The following MAPK10 variants were observed in gnomAD, a reference collection of about 807,000 sequenced individuals.
The protein encoded by MAPK10 is JNK3 alpha protein kinase.
Under a neutral mutation model 59.3 loss-of-function variants are expected in MAPK10, and 25 were observed. The observed-to-expected ratio is 0.42, with a 90% CI of 0.31 to 0.59. The LOEUF (loss-of-function observed/expected upper bound fraction) is 0.59. Ranked by LOEUF, MAPK10 falls within the 20% of genes least tolerant of loss-of-function variation. MAPK10 has a pLI of 0.15. For missense variants in MAPK10, 351 were observed against 568.9 expected (o/e 0.62, Z 3.90); for synonymous variants, 190 against 200.5 (o/e 0.95, Z 0.44).
chr4:86,505,507 T>C (rs756656005), intron 1 of MAPK10, among the ~76,000 whole-genome samples: 2 of 151,992 alleles, frequency 1.3e-5, no homozygotes, highest in African/African-American at 2.4e-5. Flanking sequence ...GAGGTGGTGT[T>C]TGAGCCTAGT....
At chr4:86,051,755 G>GT (rs1179489573) in intron 11 of MAPK10, among the ~76,000 whole-genome samples, 1 of 152,066 alleles carries the variant, frequency 6.6e-6, no homozygotes, top group East Asian at 1.9e-4. Flanking sequence ...AAGATGTTTG[G>GT]TTAATTTTCT....
intron 1 of MAPK10, among the ~76,000 whole-genome samples, chr4:86,452,272 G>A (rs761599840): frequency 3.9e-5 from 6 of 152,184 alleles, no homozygotes; most frequent in African/African-American, 1.2e-4. Context: ...ATATACTAAC[G>A]TGACCCTTGG....
intron 4 of MAPK10, among the ~76,000 whole-genome samples, chr4:86,154,668 T>C (rs1209390937): frequency 3.9e-5 from 6 of 152,060 alleles, no homozygotes; most frequent in African/African-American, 1.4e-4. Flanking sequence ...CTGAGTCCTA[T>C]GAGAAAATCC....
At chr4:86,491,615 A>C (rs537935407) in intron 1 of MAPK10, among the ~76,000 whole-genome samples, 1 of 152,276 alleles carries the variant, frequency 6.6e-6, no homozygotes, top group East Asian at 1.9e-4. Flanking sequence ...AGGTCTCATC[A>C]CCTGGTAAGA....
intron 2 of MAPK10, chr4:86,352,286 A>C (rs977684927): frequency 1.3e-5 from 2 of 152,192 alleles, no homozygotes; most frequent in African/African-American, 4.8e-5. Flanking sequence ...TACTAGCATT[A>C]AGTAAAATAG....
intron 1 of MAPK10, among the ~76,000 whole-genome samples, chr4:86,558,384 T>C (rs968437577): frequency 3.9e-5 from 6 of 152,168 alleles, no homozygotes; most frequent in Non-Finnish European, 5.9e-5. Context: ...TCGAAACTCT[T>C]TATGGGCCTT....
rs937712768 is a variant in MAPK10 at position 86,358,078 on chromosome 4, T to C, written c.-122+1580A>G. The C allele has an allele frequency of 5.1e-6, 5 of 985,212 alleles. No individual in the cohort carries two copies. In the African/African-American group the frequency reaches 8.7e-5, roughly 17 times the overall value. 61.0% of individuals were successfully genotyped at this position (985,212 alleles called of 1,614,324 possible). A position where few individuals can be genotyped will look rare whatever the true frequency, so the allele number is the denominator to read the frequency against. On this transcript the variant is annotated intron_variant, in intron 1 of 13. Coordinates refer to ENST00000641462, the MANE Select transcript of MAPK10 (RefSeq NM_138982.4). ...TGATCAAGGTAGAGAAGGAAATACA[T>C]ACCAGAGGCAGCCAAACCGCTACAT...
At chr4:86,205,721 T>C (rs1642490704) in intron 2 of MAPK10, among the ~76,000 whole-genome samples, 1 of 152,010 alleles carries the variant, frequency 6.6e-6, no homozygotes, top group South Asian at 2.1e-4. Flanking sequence ...ATTCTTGTCA[T>C]ATTCAGTAGA....
intron 13 of MAPK10, among the ~76,000 whole-genome samples, chr4:86,022,180 T>TTAGG (rs1029524499): frequency 6.6e-6 from 1 of 152,202 alleles, no homozygotes; most frequent in African/African-American, 2.4e-5. Flanking sequence ...TCAAAACTGT[T>TTAGG]TTCTAAAGTG....
rs557812183 is a variant in MAPK10, at chr4:86,037,316, C to T, written c.1111-5885G>A. Among the ~76,000 whole-genome samples the T allele has an allele frequency of 2.0e-5, 3 of 152,132 alleles. No individual in the cohort carries two copies. The East Asian group carries it at 5.8e-4, about 29-fold the overall frequency. ...TGGGCAGATCACGAGGTCAGGAGAT[C>T]GAGACCATCCTGGCTAACACAGTGA... is the stretch of plus-strand genomic sequence containing the variant. On this transcript the variant is annotated intron_variant, in intron 11 of 13. Coordinates refer to ENST00000641462, the MANE Select transcript of MAPK10 (RefSeq NM_138982.4).
intron 1 of MAPK10, among the ~76,000 whole-genome samples, chr4:86,502,383 C>A (rs1186725899): frequency 6.6e-6 from 1 of 152,004 alleles, no homozygotes; most frequent in Non-Finnish European, 1.5e-5. Context: ...TCATTTCTTG[C>A]TTGGATTTCT....
chr4:86,119,946 A>T (rs149644473), intron 4 of MAPK10: 51 of 152,386 alleles, frequency 3.3e-4, no homozygotes, highest in African/African-American at 1.2e-3. Context: ...TTGAGATTGT[A>T]TTGCAGCTGA....
upstream of MAPK10, among the ~76,000 whole-genome samples, chr4:86,454,853 G>GA (rs1433561798): frequency 1.3e-5 from 2 of 151,588 alleles, no homozygotes; most frequent in African/African-American, 4.9e-5. Context: ...TCAAGACAAA[G>GA]AAAAAAAATC....
At chr4:86,178,125 T>C (rs1264270432) in intron 3 of MAPK10, among the ~76,000 whole-genome samples, 3 of 152,110 alleles carry the variant, frequency 2.0e-5, no homozygotes, top group Non-Finnish European at 2.9e-5. Context: ...GGACCTTAAA[T>C]ACCACCACAA....
At chr4:86,229,917 T>A (rs1444041421) in intron 2 of MAPK10, among the ~76,000 whole-genome samples, 1 of 151,902 alleles carries the variant, frequency 6.6e-6, no homozygotes, top group Non-Finnish European at 1.5e-5. Context: ...AAAAATTAGC[T>A]AGGTACATTG....
At chr4:86,259,749 T>C (rs1583634829) in intron 2 of MAPK10, among the ~76,000 whole-genome samples, 1 of 152,056 alleles carries the variant, frequency 6.6e-6, no homozygotes, top group Non-Finnish European at 1.5e-5. Flanking sequence ...AACATTACCA[T>C]CCAAGCCATT....
intron 1 of MAPK10, among the ~76,000 whole-genome samples, chr4:86,572,673 G>T (rs888014466): frequency 1.3e-5 from 2 of 152,152 alleles, no homozygotes; most frequent in African/African-American, 4.8e-5. Flanking sequence ...TTGAGCATGA[G>T]GCCCTGTTCA....
chr4:86,358,501 A>T, intron 1 of MAPK10: 1 of 351,832 alleles, frequency 2.8e-6, no homozygotes, highest in Non-Finnish European at 4.0e-6. Context: ...AGACACTGTC[A>T]GGCTCTGCAC....
chr4:86,329,156 A>G (rs1289811179), intron 2 of MAPK10, among the ~76,000 whole-genome samples: 4 of 152,174 alleles, frequency 2.6e-5, no homozygotes, highest in African/African-American at 7.2e-5. Context: ...CACCTCCAGA[A>G]CTGTGAAAAA....
Sources: allele counts gnomAD v4.1 joint callset (sites outside exome capture counted in the v4.1 genomes callset), GRCh38; gene constraint gnomAD v4.1.1; transcripts MANE v1.5; gene names NCBI Gene and HGNC (gene_info 2026-07-23, HGNC 2026-07-21).